GSAP: variants seen among roughly 807,000 people sequenced by gnomAD.
GSAP encodes gamma-secretase-activating protein.
GSAP carries 118 observed loss-of-function variants against 131.7 expected under a neutral mutation model. The observed-to-expected ratio is 0.90, with a 90% CI of 0.77 to 1.04. The LOEUF (loss-of-function observed/expected upper bound fraction) is 1.04, where lower values mean the gene tolerates loss of function less well. Ranked by LOEUF, GSAP falls within the 50% of genes least tolerant of loss-of-function variation. The probability of loss-of-function intolerance (pLI) is 0.00; values close to 1 mark genes in which losing one functional copy is unlikely to be tolerated. For synonymous variants in GSAP, 381 were observed against 363.4 expected, an observed-to-expected ratio of 1.05 and a Z score of -0.55; for missense variants, 1,019 against 1,013.2, an observed-to-expected ratio of 1.01 and a Z score of -0.08.
At chr7:77,389,461 G>A (rs557342243) in intron 5 of GSAP, among the ~76,000 whole-genome samples, 1 of 131,658 alleles carries the variant, frequency 7.6e-6, no homozygotes, top group Non-Finnish European at 1.6e-5. Context: ...AGTCCCCGAT[G>A]TGTAATGTTC....
intron 24 of GSAP, among the ~76,000 whole-genome samples, chr7:77,322,571 G>A (rs1300978067): frequency 6.8e-6 from 1 of 147,608 alleles, no homozygotes; most frequent in African/African-American, 2.5e-5. Context: ...TTAAATCACT[G>A]TGTGTTGTGA....
intron 3 of GSAP, among the ~76,000 whole-genome samples, chr7:77,402,184 AT>A (rs1268820638): frequency 6.0e-5 from 9 of 149,356 alleles, no homozygotes; most frequent in Admixed American, 1.3e-4. Flanking sequence ...CAAGAGAAAG[AT>A]TTTTTTTTTC....
chr7:77,345,180 A>G (rs1028830827), intron 19 of GSAP, among the ~76,000 whole-genome samples: 6 of 152,052 alleles, frequency 3.9e-5, no homozygotes, highest in East Asian at 3.9e-4. Flanking sequence ...TAGTTTCTCA[A>G]TTCATCCAAA....
intron 11 of GSAP, among the ~76,000 whole-genome samples, chr7:77,374,827 C>G (rs928200159): frequency 2.0e-5 from 3 of 152,036 alleles, no homozygotes; most frequent in African/African-American, 2.4e-5. Context: ...AATGGAGATG[C>G]ACTACAGAAA....
intron 24 of GSAP, among the ~76,000 whole-genome samples, chr7:77,323,070 T>C (rs899645090): frequency 2.0e-5 from 3 of 152,232 alleles, no homozygotes; most frequent in African/African-American, 4.8e-5. Flanking sequence ...CTCAACTCTC[T>C]ATGCTTTTTG....
intron 23 of GSAP, 74 bp downstream of exon 23, chr7:77,326,138 G>T (rs1159100572): frequency 2.2e-6 from 2 of 906,868 alleles, no homozygotes; most frequent in Non-Finnish European, 3.5e-6. Flanking sequence ...AGAATGAGAA[G>T]CCCACTGTAA....
chr7:77,397,814 G>A (rs948411974), intron 3 of GSAP, among the ~76,000 whole-genome samples: 1 of 152,118 alleles, frequency 6.6e-6, no homozygotes, highest in Non-Finnish European at 1.5e-5. Flanking sequence ...AGGATCAAGT[G>A]AGATAATCTA....
chr7:77,370,745 T>G (rs1323171556), intron 12 of GSAP, among the ~76,000 whole-genome samples: 1 of 152,156 alleles, frequency 6.6e-6, no homozygotes, highest in Non-Finnish European at 1.5e-5. Flanking sequence ...TCAATTCCCA[T>G]ATGCCACTTA....
chr7:77,400,011 A>C (rs1801054255), intron 3 of GSAP, among the ~76,000 whole-genome samples: 2 of 152,170 alleles, frequency 1.3e-5, no homozygotes, highest in South Asian at 4.1e-4. Context: ...TGGAAAGAGG[A>C]AACATAGCAA....
chr7:77,410,602 T>G (rs1803095565), intron 1 of GSAP, among the ~76,000 whole-genome samples: 2 of 152,214 alleles, frequency 1.3e-5, no homozygotes, highest in African/African-American at 4.8e-5. Flanking sequence ...ACCTAGATAT[T>G]AAAGATATTG....
chr7:77,389,352 C>T (rs1799080784), intron 5 of GSAP, among the ~76,000 whole-genome samples: 1 of 149,000 alleles, frequency 6.7e-6, no homozygotes, highest in African/African-American at 2.5e-5. Context: ...TCCTGGTTAA[C>T]ATAGTGAAAT....
chr7:77,385,874 T>C (rs963793351), intron 6 of GSAP, among the ~76,000 whole-genome samples: 2 of 152,182 alleles, frequency 1.3e-5, no homozygotes, highest in African/African-American at 4.8e-5. Context: ...GTGGTGCAAA[T>C]TGACTCTGGC....
In GSAP at chr7:77,353,023, G is replaced by A. The variant is rs142110366; in HGVS notation, c.1412C>T (p.Ser471Phe). 2.7e-5 allele frequency: 43 copies of A among 1,587,456 alleles called. No homozygotes were observed. The highest frequency in any genetic ancestry group is 3.6e-5 in the Non-Finnish European group (42 of 1,156,572). Residue 471 changes from serine to phenylalanine, a missense_variant, in exon 18 of 31, where the codon TCT becomes TTT. Transcript: ENST00000257626. The part of the protein sequence containing the change: ...FDLIQEFIIA[S>F]SYWSVYSETS... The stretch of plus-strand genomic sequence containing the variant: ...CTCTGAATATACACTCCAGTATGAA[G>A]AAGCTGAGTAGATTTTTTTTGAAAC...
Position 77,328,589 on chromosome 7 carries a change from T to C in GSAP, c.1765+17A>G, listed in dbSNP as rs1788650307. The C allele has an allele frequency of 6.2e-7, 1 of 1,608,906 alleles. No individual in the cohort carries two copies. Among genetic ancestry groups the C allele is most frequent in the Non-Finnish European group, 8.5e-7 (1 of 1,178,606 alleles). ...CTGACTGGAACCCAGAAGGCTTTAT[T>C]ACAGATCTTTTCTTACCCAAATTTC... On this transcript the variant is annotated intron_variant, in intron 22 of 30. Transcript: ENST00000257626.
intron 19 of GSAP, among the ~76,000 whole-genome samples, chr7:77,335,621 A>G (rs528588363): frequency 2.0e-5 from 3 of 151,562 alleles, no homozygotes; most frequent in Non-Finnish European, 4.4e-5. Flanking sequence ...TGGATTGCCA[A>G]TTGATCCAAA....
chr7:77,363,579 C>A (rs968256245), intron 12 of GSAP, among the ~76,000 whole-genome samples: 1 of 152,128 alleles, frequency 6.6e-6, no homozygotes, highest in Non-Finnish European at 1.5e-5. Flanking sequence ...TCATTAGTTT[C>A]TTTATCAAAG....
At chr7:77,391,150 A>T (rs1027203782) in intron 5 of GSAP, among the ~76,000 whole-genome samples, 1 of 149,252 alleles carries the variant, frequency 6.7e-6, no homozygotes, top group Non-Finnish European at 1.5e-5. Context: ...AAAAAAAAGA[A>T]AAAGAAAAAG....
chr7:77,399,357 C>T (rs527244345), intron 3 of GSAP, among the ~76,000 whole-genome samples: 41 of 152,156 alleles, frequency 2.7e-4, no homozygotes, highest in Middle Eastern at 3.2e-3. Context: ...TGTCAGCTTC[C>T]ACACAATAGA....
chr7:77,397,230 T>G, intron 4 of GSAP, 116 bp downstream of exon 4: 1 of 758,068 alleles, frequency 1.3e-6, no homozygotes. Flanking sequence ...CAAGAACATT[T>G]CTTTCCTAGG....
Sources: allele counts gnomAD v4.1 joint callset (sites outside exome capture counted in the v4.1 genomes callset), GRCh38; gene constraint gnomAD v4.1.1; transcripts MANE v1.5; gene names NCBI Gene and HGNC (gene_info 2026-07-23, HGNC 2026-07-21).